PCDHGB1: variants seen among roughly 807,000 people sequenced by gnomAD.
PCDHGB1 encodes protocadherin gamma-B1.
A neutral mutation model predicts 56.6 loss-of-function variants in PCDHGB1; 34 were observed. That is an observed-to-expected ratio of 0.60 (90% CI 0.46 to 0.80). The LOEUF (loss-of-function observed/expected upper bound fraction) is 0.80, where lower values mean the gene tolerates loss of function less well. PCDHGB1 is among the 30% of genes least tolerant of loss of function. The probability of loss-of-function intolerance (pLI) is 0.00; values close to 1 mark genes in which losing one functional copy is unlikely to be tolerated. For synonymous variants in PCDHGB1, 561 were observed against 505.9 expected (o/e 1.11, Z -1.46); for missense variants, 1,278 against 1,204.6 (o/e 1.06, Z -0.90).
Position 141,491,244 on chromosome 5 carries a change from T to A in PCDHGB1, c.2410-3563T>A. 1 of 1,614,210 alleles carries A rather than the reference T, an allele frequency of 6.2e-7. No individual in the cohort carries two copies. Among genetic ancestry groups the A allele is most frequent in the Non-Finnish European group, 8.5e-7 (1 of 1,180,024 alleles). On this transcript the variant is annotated intron_variant, in intron 1 of 3. Coordinates refer to ENST00000523390, the MANE Select transcript of PCDHGB1 (RefSeq NM_018922.3). This position sits in a 1 kb window ranked among gnomAD's most constrained non-coding sequence, Gnocchi z 6.9. ...CCACAGTGCTGCTGGTTCTGGAGGA[T>A]GAGGACCCTGAGGAAATGCCCAAAT...
intron 1 of PCDHGB1, chr5:141,478,272 A>G: frequency 6.2e-7 from 1 of 1,614,160 alleles, no homozygotes; most frequent in Non-Finnish European, 8.5e-7. Context: ...AAAGTTTACA[A>G]GTGGAAGCAG....
Position 141,421,718 on chromosome 5 carries a change from G to A in PCDHGB1, c.2409+69049G>A, listed in dbSNP as rs778263773. On this transcript the variant is annotated intron_variant, in intron 1 of 3. Transcript: ENST00000523390. ...CCTAATGCTAGGGATCCAGATGTGGGCGTGAACTCCCTCCAGAGCTACCAG... is the reference window on the plus strand; with the variant it reads ...CCTAATGCTAGGGATCCAGATGTGGACGTGAACTCCCTCCAGAGCTACCAG... 3.1e-6 allele frequency: 5 copies of A among 1,613,848 alleles called. No homozygotes were observed. The highest frequency in any genetic ancestry group is 2.7e-5 in the African/African-American group (2 of 74,938).
intron 1 of PCDHGB1, chr5:141,393,190 T>C: frequency 6.2e-7 from 1 of 1,613,384 alleles, no homozygotes; most frequent in Non-Finnish European, 8.5e-7. Flanking sequence ...ATAATTGATA[T>C]TAACGATAAT....
intron 1 of PCDHGB1, chr5:141,389,373 C>T (rs1561624770): frequency 3.1e-6 from 5 of 1,613,756 alleles, no homozygotes; most frequent in Non-Finnish European, 4.2e-6. Flanking sequence ...CCTGGAGCAG[C>T]GGGAGCTGTC....
At chr5:141,371,535 G>C (rs1389993070) in intron 1 of PCDHGB1, 1 of 1,613,716 alleles carries the variant, frequency 6.2e-7, no homozygotes, top group Non-Finnish European at 8.5e-7. Flanking sequence ...ATTTAATGGA[G>C]AAATCCTATG....
chr5:141,434,547 A>G (rs1277148299), intron 1 of PCDHGB1, among the ~76,000 whole-genome samples: 1 of 152,232 alleles, frequency 6.6e-6, no homozygotes, highest in East Asian at 1.9e-4. Context: ...AGCATGAGTG[A>G]TCTGTGCCTT....
At chr5:141,406,531 C>T (rs1303471087) in intron 1 of PCDHGB1, among the ~76,000 whole-genome samples, 1 of 152,102 alleles carries the variant, frequency 6.6e-6, no homozygotes, top group African/African-American at 2.4e-5. Flanking sequence ...TATTTTCTGA[C>T]GAAGATTCAA....
intron 1 of PCDHGB1, chr5:141,394,908 G>A (rs763489153): frequency 3.1e-6 from 5 of 1,613,652 alleles, no homozygotes; most frequent in East Asian, 2.2e-5. Flanking sequence ...GGCAGTGGCT[G>A]CCATCTCCTG....
At position 141,476,946 on chromosome 5, in the gene PCDHGB1, G is replaced by A; in HGVS notation, c.2410-17861G>A. ...ACGGATCTGGATGAAGGCCCCAACG[G>A]TGAAATTATTTACTCCTTCGGCAGC... On this transcript the variant is annotated intron_variant, in intron 1 of 3. Transcript: ENST00000523390. The surrounding 1 kb of genome is among the most constrained non-coding windows in gnomAD (Gnocchi z 7.6). The A allele has an allele frequency of 6.2e-7, 1 of 1,614,206 alleles. No individual in the cohort carries two copies. Among genetic ancestry groups the A allele is most frequent in the Non-Finnish European group, 8.5e-7 (1 of 1,180,044 alleles).
At position 141,350,498 on chromosome 5, in the gene PCDHGB1, G is replaced by C; in HGVS notation, c.238G>C (p.Asp80His). Residue 80 changes from aspartate (D) to histidine (H), a missense_variant, in exon 1 of 4, where the codon GAT becomes CAT. Asp to His is a moderately conservative substitution (Grantham distance 81, BLOSUM62 -1). Transcript: ENST00000523390. ...TTTCAACGTTAGTTTGGAGAGCGGGGATTTGTTAGTGAACGGTAGGATAGA... is the reference window on the plus strand; with the variant it reads ...TTTCAACGTTAGTTTGGAGAGCGGGCATTTGTTAGTGAACGGTAGGATAGA... ...DYFNVSLESG[D>H]LLVNGRIDRE... 6.2e-7 allele frequency: 1 copy of C among 1,614,024 alleles called. No homozygotes were observed.
At chr5:141,422,907 G>A in intron 1 of PCDHGB1, 1 of 1,614,196 alleles carries the variant, frequency 6.2e-7, no homozygotes, top group Non-Finnish European at 8.5e-7. Context: ...ACGACAATGC[G>A]CCCGAGATCC....
chr5:141,388,572 G>A, intron 1 of PCDHGB1: 6 of 1,613,808 alleles, frequency 3.7e-6, no homozygotes, highest in South Asian at 2.2e-5. Flanking sequence ...ACAGATACAC[G>A]TTCTAGTGAC....
In PCDHGB1 at chr5:141,414,961, G is replaced by A. The variant is rs1357376957; in HGVS notation, c.2409+62292G>A. Reference sequence around the variant, plus strand: ...GCCCGGCTACCTGGTGACCAAGGTGGTGGCGGTGGACAGAGACTCCGGCCA... The same window carrying A: ...GCCCGGCTACCTGGTGACCAAGGTGATGGCGGTGGACAGAGACTCCGGCCA... On this transcript the variant is annotated intron_variant, in intron 1 of 3. Transcript: ENST00000523390. 2.5e-6 allele frequency: 4 copies of A among 1,614,028 alleles called. No individual in the cohort carries two copies. In the Admixed American group the frequency reaches 6.7e-5, roughly 27 times the overall value.
chr5:141,419,773 C>CAG, intron 1 of PCDHGB1: 1 of 1,614,034 alleles, frequency 6.2e-7, no homozygotes, highest in Non-Finnish European at 8.5e-7. Flanking sequence ...AGGACTCGGT[C>CAG]CGCCAGCGCC....
At chr5:141,364,862 TTC>T in intron 1 of PCDHGB1, 3 of 1,613,988 alleles carry the variant, frequency 1.9e-6, no homozygotes, top group Non-Finnish European at 2.5e-6. Context: ...CAATCTGCAC[TTC>T]TCTCTGGATG....
At position 141,352,279 on chromosome 5, in the gene PCDHGB1, C is replaced by T; in HGVS notation, c.2019C>T (p.Asp673=). Residue 673 remains aspartate (D), a synonymous_variant, in exon 1 of 4, where the codon GAC becomes GAT. Coordinates refer to ENST00000523390, the MANE Select transcript of PCDHGB1 (RefSeq NM_018922.3). ...AAGAGGTATTGCCAGACCTCAGCGA[C>T]CGCCCTGAGCCCTCTGACCCCCAGA... ...SLQEVLPDLS[D]RPEPSDPQTE... 1 of 1,614,080 alleles carries T rather than the reference C, an allele frequency of 6.2e-7. No individual in the cohort carries two copies. The highest frequency in any genetic ancestry group is 8.5e-7 in the Non-Finnish European group (1 of 1,179,906).
Position 141,421,822 on chromosome 5 carries a change from G to A in PCDHGB1, c.2409+69153G>A, listed in dbSNP as rs2096603648. On this transcript the variant is annotated intron_variant, in intron 1 of 3. Transcript: ENST00000523390. ...CAAGAATCCAGAGCTAGTACTGGAG[G>A]GAAGCCTGGACCGAGAGAAAGAGGC... 3.7e-6 allele frequency: 6 copies of A among 1,613,690 alleles called. No homozygotes were observed. The East Asian group carries it at 1.1e-4, about 30-fold the overall frequency.
chr5:141,363,651 T>C (rs772337570), intron 1 of PCDHGB1, among the ~76,000 whole-genome samples: 15 of 152,250 alleles, frequency 9.9e-5, no homozygotes, highest in Non-Finnish European at 2.2e-4. Context: ...GTAACAAAGA[T>C]CTTTATTTCT....
intron 1 of PCDHGB1, chr5:141,405,635 C>T (rs539370352): frequency 1.3e-4 from 69 of 526,234 alleles, no homozygotes; most frequent in Non-Finnish European, 1.9e-4. Context: ...CCACCACGCC[C>T]GGCTAATTTT....
Sources: gnomAD v4.1 joint callset for allele counts (sites outside exome capture counted in the v4.1 genomes callset) on GRCh38, gnomAD v4.1.1 for gene constraint, Gnocchi (gnomAD v3.1) non-coding constraint, MANE v1.5 for transcripts, NCBI Gene and HGNC (gene_info 2026-07-23, HGNC 2026-07-21) for gene names.